The following FUT8 variants were observed in gnomAD, a reference collection of about 807,000 sequenced individuals.
FUT8 encodes the protein fucosyltransferase 8.
A neutral mutation model predicts 71.3 loss-of-function variants in FUT8; 29 were observed. The observed-to-expected ratio is 0.41, with a 90% CI of 0.30 to 0.55. The LOEUF (loss-of-function observed/expected upper bound fraction) is 0.55. FUT8 is among the 20% of genes least tolerant of loss of function. The pLI, the probability that FUT8 is intolerant of heterozygous loss-of-function variation, is 0.34. For synonymous variants in FUT8, 254 were observed against 239.3 expected (o/e 1.06, Z -0.57); for missense variants, 544 against 702.1 (o/e 0.77, Z 2.55).
upstream of FUT8, among the ~76,000 whole-genome samples, chr14:65,408,017 A>G (rs923106464): frequency 2.0e-5 from 3 of 152,178 alleles, no homozygotes; most frequent in Admixed American, 6.5e-5. Flanking sequence ...AAGTGTATCA[A>G]TTAGAATAGT....
At chr14:65,730,449 G>A (rs959164344) in intron 9 of FUT8, among the ~76,000 whole-genome samples, 3 of 152,070 alleles carry the variant, frequency 2.0e-5, no homozygotes, top group Non-Finnish European at 4.4e-5. Flanking sequence ...CGAGGTGGGC[G>A]GATCACTAGG....
At chr14:65,539,863 G>A (rs1262011545) in intron 2 of FUT8, among the ~76,000 whole-genome samples, 1 of 152,206 alleles carries the variant, frequency 6.6e-6, no homozygotes, top group Non-Finnish European at 1.5e-5. Context: ...ACCACACTGT[G>A]TAACTCCATT....
chr14:65,380,201 A>C, the FUT8 span, among the ~76,000 whole-genome samples: 3 of 152,324 alleles, frequency 2.0e-5, no homozygotes, highest in East Asian at 5.8e-4. Context: ...CACTTCTTAC[A>C]TGGCAGTGGC....
chr14:65,524,925 C>T (rs890475868), intron 2 of FUT8, among the ~76,000 whole-genome samples: 4 of 152,108 alleles, frequency 2.6e-5, no homozygotes, highest in Admixed American at 6.5e-5. Context: ...GGATGAAGCC[C>T]ACTTGATCAT....
intron 6 of FUT8, among the ~76,000 whole-genome samples, chr14:65,656,610 C>T (rs1233700407): frequency 1.3e-5 from 2 of 152,138 alleles, no homozygotes; most frequent in African/African-American, 4.8e-5. Flanking sequence ...CAGTGACACT[C>T]TTCACAGAAA....
At chr14:65,697,820 A>C (rs570009526) in intron 7 of FUT8, among the ~76,000 whole-genome samples, 2 of 152,194 alleles carry the variant, frequency 1.3e-5, no homozygotes, top group South Asian at 4.1e-4. Flanking sequence ...CTAAAAATAC[A>C]AACAATTAGC....
chr14:65,525,647 T>TGATGTTAGGGTGTC (rs1309156563), intron 2 of FUT8, among the ~76,000 whole-genome samples: 1 of 152,244 alleles, frequency 6.6e-6, no homozygotes, highest in Non-Finnish European at 1.5e-5. Flanking sequence ...CTTTTAATTC[T>TGATGTTAGGGTGTC]GATGTTAGGG....
chr14:65,440,135 T>A (rs1174197277), intron 1 of FUT8, among the ~76,000 whole-genome samples: 1 of 151,598 alleles, frequency 6.6e-6, no homozygotes, highest in Admixed American at 6.6e-5. Flanking sequence ...GTCTCACTTA[T>A]ATGTAGAATC....
rs376869469 is a variant in FUT8, at chr14:65,561,797, T to C, written c.203+31T>C. On this transcript the variant is annotated intron_variant, in intron 3 of 10. Transcript: ENST00000673929. ...TCCTAAAATACTGAATGAAGAATGA[T>C]GAAATATTGTACTTTGTTTTTAGGT... 5.1e-6 allele frequency: 8 copies of C among 1,557,120 alleles called. No individual in the cohort carries two copies. The African/African-American group carries it at 1.1e-4, about 21-fold the overall frequency.
At chr14:65,439,985 T>C (rs868831856) in intron 1 of FUT8, among the ~76,000 whole-genome samples, 5 of 137,152 alleles carry the variant, frequency 3.6e-5, no homozygotes, top group Non-Finnish European at 6.2e-5. Context: ...TATATATATA[T>C]ATATATGTAC....
the FUT8 span, among the ~76,000 whole-genome samples, chr14:65,373,543 T>G: frequency 8.8e-5 from 13 of 148,352 alleles, no homozygotes; most frequent in African/African-American, 2.9e-4. Context: ...TAGACACTGC[T>G]GTGGCGCCAG....
At chr14:65,696,424 G>A (rs1052420019) in intron 7 of FUT8, among the ~76,000 whole-genome samples, 2 of 152,114 alleles carry the variant, frequency 1.3e-5, no homozygotes, top group Non-Finnish European at 2.9e-5. Context: ...GAAGGCACAT[G>A]TAAATATTGT....
At chr14:65,734,361 A>T (rs960355323) in intron 10 of FUT8, among the ~76,000 whole-genome samples, 2 of 152,208 alleles carry the variant, frequency 1.3e-5, no homozygotes, top group African/African-American at 4.8e-5. Flanking sequence ...TTCTTATTAT[A>T]TGACAATACA....
chr14:65,611,625 G>A (rs1421193418), intron 3 of FUT8, among the ~76,000 whole-genome samples: 1 of 151,704 alleles, frequency 6.6e-6, no homozygotes, highest in Non-Finnish European at 1.5e-5. Flanking sequence ...TTCATCTGTA[G>A]TAGTTCAACT....
chr14:65,648,309 C>T (rs1891208295), intron 6 of FUT8, among the ~76,000 whole-genome samples: 1 of 152,142 alleles, frequency 6.6e-6, no homozygotes, highest in South Asian at 2.1e-4. Flanking sequence ...TCCTTTTCTT[C>T]CTCTTCCTGT....
intron 2 of FUT8, chr14:65,457,967 G>A (rs534851202): frequency 1.3e-5 from 2 of 152,066 alleles, no homozygotes; most frequent in African/African-American, 4.8e-5. Flanking sequence ...CGGATCACGA[G>A]GTCAGGAGAT....
upstream of FUT8, among the ~76,000 whole-genome samples, chr14:65,407,192 G>A (rs2065091597): frequency 6.6e-6 from 1 of 152,188 alleles, no homozygotes; most frequent in African/African-American, 2.4e-5. Context: ...GTAAGTCTGA[G>A]AGTAATATAC....
rs140780654 is a variant in FUT8 at position 65,463,487 on chromosome 14, T to A, written c.-228+7769T>A. Reference sequence around the variant, plus strand: ...TTTGCCATGTTGCCCAGGCTGATCTTGAACTCCTGTGCTCAAGCAGTTCCC... The same window carrying A: ...TTTGCCATGTTGCCCAGGCTGATCTAGAACTCCTGTGCTCAAGCAGTTCCC... On this transcript the variant is annotated intron_variant, in intron 2 of 10. Coordinates refer to ENST00000673929, the MANE Select transcript of FUT8 (RefSeq NM_001371533.1). Among the ~76,000 whole-genome samples the A allele has an allele frequency of 2.0e-3, 301 of 152,242 alleles. 1 individual carries two copies. The highest frequency in any genetic ancestry group is 0.014 in the Middle Eastern group (4 of 294).
the FUT8 span, among the ~76,000 whole-genome samples, chr14:65,396,412 T>C: frequency 6.6e-6 from 1 of 152,176 alleles, no homozygotes; most frequent in Admixed American, 6.5e-5. This position sits in a 1 kb window ranked among gnomAD's most constrained non-coding sequence, Gnocchi z 5.5. Flanking sequence ...CTCACAATCA[T>C]GGCAGAAGGT....
Sources: gnomAD v4.1 joint callset for allele counts (sites outside exome capture counted in the v4.1 genomes callset) on GRCh38, gnomAD v4.1.1 for gene constraint, Gnocchi (gnomAD v3.1) non-coding constraint, MANE v1.5 for transcripts, NCBI Gene and HGNC (gene_info 2026-07-23, HGNC 2026-07-21) for gene names.